RANBP2: variants seen among roughly 807,000 people sequenced by gnomAD.
RANBP2 encodes RAN binding protein 2.
RANBP2 carries 57 observed loss-of-function variants against 303.6 expected under a neutral mutation model. The observed-to-expected ratio is 0.19, with a 90% CI of 0.15 to 0.23. The LOEUF is 0.23. RANBP2 is among the 10% of genes least tolerant of loss of function. RANBP2 has a pLI of 1.00. For missense variants in RANBP2, 3,138 were observed against 3,780.8 expected (o/e 0.83, Z 4.46); for synonymous variants, 1,167 against 1,301.5 (o/e 0.90, Z 2.23).
the RANBP2 span, among the ~76,000 whole-genome samples, chr2:108,851,948 T>C: frequency 6.6e-6 from 1 of 152,194 alleles, no homozygotes; most frequent in Non-Finnish European, 1.5e-5. Flanking sequence ...AACGATACAA[T>C]CTGCATTTGA....
intron 25 of RANBP2, among the ~76,000 whole-genome samples, chr2:108,779,460 C>CG (rs1261207425): frequency 6.6e-6 from 1 of 152,204 alleles, no homozygotes; most frequent in African/African-American, 2.4e-5. Flanking sequence ...CCACCACACC[C>CG]GGCCCTCTCT....
rs761253495 is a variant in RANBP2, at chr2:108,763,624, A to C, written c.3085A>C (p.Thr1029Pro). 6 of 1,613,918 alleles carry C rather than the reference A, an allele frequency of 3.7e-6. No homozygotes were observed. The East Asian group carries it at 6.7e-5, about 18-fold the overall frequency. Residue 1029 changes from threonine (T) to proline (P), a missense_variant, in exon 20 of 29, where the codon ACT (threonine) becomes CCT (proline). By Grantham distance (38) the Thr-to-Pro change is conservative (BLOSUM62 -1). Transcript: ENST00000283195. Reference protein sequence around the residue: ...LPTQAHTTQPTPFKFNSNFKS... With the variant: ...LPTQAHTTQPPPFKFNSNFKS... Reference sequence around the variant, plus strand: ...AACACAAGCACACACAACACAGCCAACTCCTTTTAAATTTAACTCAAATTT... The same window carrying C: ...AACACAAGCACACACAACACAGCCACCTCCTTTTAAATTTAACTCAAATTT...
At chr2:109,290,947 T>G in the RANBP2 span, among the ~76,000 whole-genome samples, 1 of 152,260 alleles carries the variant, frequency 6.6e-6, no homozygotes, top group African/African-American at 2.4e-5. Flanking sequence ...ACTGTTTTCC[T>G]GGGGTGCCCG....
At chr2:108,945,468 A>G in the RANBP2 span, among the ~76,000 whole-genome samples, 1 of 152,328 alleles carries the variant, frequency 6.6e-6, no homozygotes, top group African/African-American at 2.4e-5. Context: ...TTATTAAATT[A>G]CTAAAAGGGG....
At chr2:109,234,949 A>T in the RANBP2 span, among the ~76,000 whole-genome samples, 1 of 152,184 alleles carries the variant, frequency 6.6e-6, no homozygotes, top group Non-Finnish European at 1.5e-5. Context: ...TGAGTGTCCT[A>T]ACCTCAGCAC....
the RANBP2 span, among the ~76,000 whole-genome samples, chr2:108,917,938 A>G: frequency 6.6e-6 from 1 of 152,088 alleles, no homozygotes; most frequent in Non-Finnish European, 1.5e-5. Context: ...AAAAATTGCC[A>G]TGGAAAACAA....
At chr2:109,490,934 G>C in the RANBP2 span, 1 of 1,493,552 alleles carries the variant, frequency 6.7e-7, no homozygotes, top group Non-Finnish European at 8.9e-7. Context: ...TGCCCAGAGA[G>C]AGGTAAGTGC....
At chr2:109,186,066 A>T in the RANBP2 span, among the ~76,000 whole-genome samples, 1 of 152,102 alleles carries the variant, frequency 6.6e-6, no homozygotes, top group Non-Finnish European at 1.5e-5. Context: ...CAGTGTCTTG[A>T]CTTGTGTTGT....
the RANBP2 span, among the ~76,000 whole-genome samples, chr2:108,827,591 C>T: frequency 3.9e-5 from 6 of 151,926 alleles, no homozygotes; most frequent in Non-Finnish European, 7.4e-5. Context: ...CCAAGGTGGG[C>T]GGATCACGAG....
rs747899299 is a variant in RANBP2 at position 108,766,551 on chromosome 2, G to T, written c.6012G>T (p.Lys2004Asn). The T allele has an allele frequency of 9.9e-6, 16 of 1,611,830 alleles. No individual in the cohort carries two copies. Among genetic ancestry groups the T allele is most frequent in the Non-Finnish European group, 1.3e-5 (15 of 1,179,842 alleles). Residue 2004 changes from lysine to asparagine, a missense_variant, in exon 20 of 29, where the codon AAG becomes AAT. Transcript: ENST00000283195. ...TTGAGAAAGATGATGATGCCTATAA[G>T]ACTGAGGACAGCGATGACATCCATT... ...GDFEKDDDAY[K>N]TEDSDDIHFE... is the part of the protein sequence containing the mutation.
At chr2:109,598,949 T>C in the RANBP2 span, among the ~76,000 whole-genome samples, 1 of 152,100 alleles carries the variant, frequency 6.6e-6, no homozygotes, top group African/African-American at 2.4e-5. Flanking sequence ...GGGTGGGGTA[T>C]TTGGCTTGAA....
chr2:109,134,655 G>A, the RANBP2 span, among the ~76,000 whole-genome samples: 6 of 152,234 alleles, frequency 3.9e-5, no homozygotes, highest in Admixed American at 2.6e-4. Context: ...TTGCTGAGCG[G>A]CACACAGTTA....
chr2:109,382,421 C>A, the RANBP2 span, among the ~76,000 whole-genome samples: 8 of 152,242 alleles, frequency 5.3e-5, 1 homozygote, highest in Admixed American at 5.2e-4. Flanking sequence ...CCACTGGCCA[C>A]CCACCTCCCT....
chr2:109,133,541 C>G, the RANBP2 span, among the ~76,000 whole-genome samples: 22 of 152,180 alleles, frequency 1.4e-4, no homozygotes, highest in Admixed American at 1.4e-3. Context: ...TTATGATTTT[C>G]TATTTGTTTC....
the RANBP2 span, chr2:109,544,426 A>T: frequency 7.0e-7 from 1 of 1,430,066 alleles, no homozygotes; most frequent in Non-Finnish European, 9.1e-7. Flanking sequence ...TGGCCATGGG[A>T]CTTTGAAAAA....
chr2:108,810,502 G>A, the RANBP2 span, among the ~76,000 whole-genome samples: 2 of 152,106 alleles, frequency 1.3e-5, no homozygotes, highest in Admixed American at 1.3e-4. Flanking sequence ...CTGTGTCCCT[G>A]GGATAAATCT....
rs1370559917 is a variant in RANBP2, at chr2:108,767,372, C to G, written c.6833C>G (p.Ser2278Cys). Residue 2278 changes from serine (S) to cysteine (C), a missense_variant, in exon 20 of 29, where the codon TCT becomes TGT. Physicochemically the swap from Ser to Cys is moderately radical, Grantham distance 112. This residue lies in a region of RANBP2 where 72 missense variants were observed against 86.8 expected (regional missense o/e 0.83). Transcript: ENST00000283195. ...AGTTTTAAATCTGCTTTGAGTCCAT[C>G]TAAGTCTCCTGCCAAGTTGAATCAG... ...NFSFKSALSP[S>C]KSPAKLNQSG... The G allele has an allele frequency of 1.2e-6, 2 of 1,612,004 alleles. No individual in the cohort carries two copies. Among genetic ancestry groups the G allele is most frequent in the Non-Finnish European group, 1.7e-6 (2 of 1,179,860 alleles).
Position 108,758,393 on chromosome 2 carries a change from ATTT to A in RANBP2, c.2467-13_2467-11del. 6.2e-7 allele frequency: 1 copy of A among 1,609,560 alleles called. No homozygotes were observed. Among genetic ancestry groups the A allele is most frequent in the Non-Finnish European group, 8.5e-7 (1 of 1,178,726 alleles). The stretch of plus-strand genomic sequence containing the variant: ...ATAATTAAATGTTTAAAATTATTTG[ATTT>A]TTTTTTCTTCCAATAGAAAGAAATG... On this transcript the variant is annotated splice_polypyrimidine_tract_variant and intron_variant, in intron 17 of 28. Coordinates refer to ENST00000283195, the MANE Select transcript of RANBP2 (RefSeq NM_006267.5).
chr2:109,613,519 T>A, the RANBP2 span: 4 of 235,940 alleles, frequency 1.7e-5, no homozygotes, highest in Non-Finnish European at 3.3e-5. Flanking sequence ...ATGTAACTTT[T>A]GGCAAAGACC....
Sources: gnomAD v4.1 joint callset for allele counts (sites outside exome capture counted in the v4.1 genomes callset) on GRCh38, gnomAD v4.1.1 for gene constraint, gnomAD v4.1.1 regional missense constraint, MANE v1.5 for transcripts, NCBI Gene and HGNC (gene_info 2026-07-23, HGNC 2026-07-21) for gene names.